Variants in SNTB1 observed in about 807,000 individuals in gnomAD.
SNTB1 encodes the protein syntrophin beta 1, also known as beta-1-syntrophin.
Under a neutral mutation model 48.9 loss-of-function variants are expected in SNTB1, and 36 were observed. The ratio of observed to expected loss-of-function variants is 0.74; its 90% CI spans 0.56 to 0.97. The LOEUF is 0.97. Among genes scored for constraint, SNTB1 ranks in the 50% least tolerant of loss-of-function variants. SNTB1 has a pLI of 0.00. For missense variants in SNTB1, 786 were observed against 703.4 expected (o/e 1.12, Z -1.33); for synonymous variants, 299 against 294.6 (o/e 1.01, Z -0.15).
intron 1 of SNTB1, among the ~76,000 whole-genome samples, chr8:120,756,675 T>C (rs957384581): frequency 6.6e-6 from 1 of 152,180 alleles, no homozygotes. Flanking sequence ...GAGTCATCTC[T>C]GCCTTTATAC....
intron 2 of SNTB1, among the ~76,000 whole-genome samples, chr8:120,672,130 G>T (rs1001699763): frequency 7.3e-5 from 11 of 151,682 alleles, no homozygotes; most frequent in Non-Finnish European, 1.5e-4. Flanking sequence ...TCAACTGTAG[G>T]CTAATGTAAG....
chr8:120,768,475 T>C (rs1587146210), intron 1 of SNTB1, among the ~76,000 whole-genome samples: 1 of 152,192 alleles, frequency 6.6e-6, no homozygotes, highest in South Asian at 2.1e-4. Flanking sequence ...TGATATCATT[T>C]ATATTTGATC....
chr8:120,734,512 A>G (rs1818909790), intron 1 of SNTB1, among the ~76,000 whole-genome samples: 1 of 152,004 alleles, frequency 6.6e-6, no homozygotes, highest in Admixed American at 6.6e-5. Context: ...AATGCTTGCT[A>G]TGCGCCAGGC....
chr8:120,632,353 T>C, intron 3 of SNTB1, 91 bp downstream of exon 3: 2 of 1,167,560 alleles, frequency 1.7e-6, no homozygotes, highest in Non-Finnish European at 2.5e-6. Flanking sequence ...AATGAGAGAA[T>C]CAGCCTATGG....
chr8:120,709,496 T>C (rs1272863994), intron 1 of SNTB1, among the ~76,000 whole-genome samples: 5 of 152,128 alleles, frequency 3.3e-5, no homozygotes, highest in Non-Finnish European at 5.9e-5. Context: ...GAAGGAGATG[T>C]TTCATGACAA....
chr8:120,765,547 G>A (rs1001983363), intron 1 of SNTB1, among the ~76,000 whole-genome samples: 1 of 152,126 alleles, frequency 6.6e-6, no homozygotes, highest in African/African-American at 2.4e-5. Flanking sequence ...GGCATCTGGT[G>A]AGGGCCTTTT....
At chr8:120,712,238 C>A (rs1346457187) in intron 1 of SNTB1, among the ~76,000 whole-genome samples, 2 of 151,770 alleles carry the variant, frequency 1.3e-5, no homozygotes, top group South Asian at 2.1e-4. Context: ...CACGGTGAAA[C>A]CCCATCTCTA....
At chr8:120,652,745 T>C (rs1817428751) in intron 2 of SNTB1, among the ~76,000 whole-genome samples, 1 of 152,170 alleles carries the variant, frequency 6.6e-6, no homozygotes, top group Non-Finnish European at 1.5e-5. Context: ...TCAAATGAGA[T>C]AATAATTATG....
At chr8:120,697,075 G>A (rs1257905723) in intron 1 of SNTB1, among the ~76,000 whole-genome samples, 1 of 152,204 alleles carries the variant, frequency 6.6e-6, no homozygotes, top group Non-Finnish European at 1.5e-5. Context: ...GATAACCCAA[G>A]TAACACTCTA....
At chr8:120,552,137 T>C (rs1023578089) in intron 4 of SNTB1, among the ~76,000 whole-genome samples, 2 of 152,200 alleles carry the variant, frequency 1.3e-5, no homozygotes, top group Non-Finnish European at 2.9e-5. Context: ...TTTCTGTGAA[T>C]TTCCTACCAA....
intron 3 of SNTB1, among the ~76,000 whole-genome samples, chr8:120,631,178 AGT>A (rs1445519529): frequency 6.6e-6 from 1 of 152,148 alleles, no homozygotes; most frequent in Non-Finnish European, 1.5e-5. Context: ...GAAAGTGGGG[AGT>A]GATAGAGACG....
intron 1 of SNTB1, among the ~76,000 whole-genome samples, chr8:120,749,531 T>C (rs367733940): frequency 6.6e-6 from 1 of 152,160 alleles, no homozygotes. Flanking sequence ...ATGTATCTTA[T>C]TCTATTTTTT....
chr8:120,590,931 G>A (rs898534010), intron 3 of SNTB1, among the ~76,000 whole-genome samples: 25 of 151,876 alleles, frequency 1.6e-4, no homozygotes, highest in Non-Finnish European at 3.2e-4. Context: ...GTGATCCGCC[G>A]GCCTCGGCCT....
At chr8:120,717,294 G>A (rs1742550343) in intron 1 of SNTB1, among the ~76,000 whole-genome samples, 1 of 152,190 alleles carries the variant, frequency 6.6e-6, no homozygotes, top group Admixed American at 6.5e-5. Flanking sequence ...CCCAGAGTCT[G>A]TGGTGCAGCC....
At chr8:120,725,854 A>G (rs1477620946) in intron 1 of SNTB1, among the ~76,000 whole-genome samples, 1 of 152,216 alleles carries the variant, frequency 6.6e-6, no homozygotes, top group Non-Finnish European at 1.5e-5. Flanking sequence ...AAGAGTTGCT[A>G]TTTGAAAATT....
intron 3 of SNTB1, among the ~76,000 whole-genome samples, chr8:120,600,825 G>A (rs1363056540): frequency 6.6e-6 from 1 of 151,686 alleles, no homozygotes; most frequent in Non-Finnish European, 1.5e-5. Context: ...GTGGGGTGAA[G>A]GAAGCACAAG....
intron 2 of SNTB1, among the ~76,000 whole-genome samples, chr8:120,684,093 T>C (rs1817985660): frequency 6.6e-6 from 1 of 152,164 alleles, no homozygotes; most frequent in Non-Finnish European, 1.5e-5. Context: ...ATTTGGTGTC[T>C]GGTTAGAGCC....
intron 3 of SNTB1, among the ~76,000 whole-genome samples, chr8:120,620,895 C>T (rs1165698064): frequency 6.7e-6 from 1 of 148,382 alleles, no homozygotes; most frequent in Non-Finnish European, 1.5e-5. Context: ...CCTCCCTTAC[C>T]TCCATCCTTC....
chr8:120,654,008 C>T (rs1250202230), intron 2 of SNTB1, among the ~76,000 whole-genome samples: 1 of 121,418 alleles, frequency 8.2e-6, no homozygotes, highest in Non-Finnish European at 1.6e-5. Flanking sequence ...CCACTGCACT[C>T]CAGCCTGGGA....
Sources: gnomAD v4.1 joint callset for allele counts (sites outside exome capture counted in the v4.1 genomes callset) on GRCh38, gnomAD v4.1.1 for gene constraint, MANE v1.5 for transcripts, NCBI Gene and HGNC (gene_info 2026-07-23, HGNC 2026-07-21) for gene names.